Variants in TRDN observed in about 807,000 individuals in gnomAD.
TRDN encodes triadin.
TRDN carries 161 observed loss-of-function variants against 149.7 expected under a neutral mutation model. That is an observed-to-expected ratio of 1.08 (90% confidence interval 0.95 to 1.23). The LOEUF (loss-of-function observed/expected upper bound fraction) is 1.23. TRDN is among the 50% of genes most tolerant of loss of function. TRDN has a pLI of 0.00. For synonymous variants in TRDN, 294 were observed against 250.5 expected (o/e 1.17, Z -1.64); for missense variants, 896 against 823.5 (o/e 1.09, Z -1.08).
intron 7 of TRDN, among the ~76,000 whole-genome samples, chr6:123,504,564 G>A (rs1199458459): frequency 6.6e-6 from 1 of 151,978 alleles, no homozygotes; most frequent in Non-Finnish European, 1.5e-5. Context: ...TTAAGTCAGC[G>A]ATAATTCTAC....
chr6:123,337,471 A>G (rs1779914894), intron 22 of TRDN, 148 bp downstream of exon 22: 1 of 293,184 alleles, frequency 3.4e-6, no homozygotes, highest in Non-Finnish European at 6.3e-6. Flanking sequence ...AGAGACAAAC[A>G]AATAAACACA....
intron 12 of TRDN, among the ~76,000 whole-genome samples, chr6:123,434,411 C>G (rs1774468781): frequency 6.6e-6 from 1 of 152,166 alleles, no homozygotes; most frequent in Admixed American, 6.5e-5. Flanking sequence ...TGTTAGTAAT[C>G]TGCTGAGGCT....
At chr6:123,413,328 C>T (rs562118527) in intron 12 of TRDN, among the ~76,000 whole-genome samples, 8 of 152,282 alleles carry the variant, frequency 5.3e-5, no homozygotes, top group African/African-American at 1.9e-4. Context: ...AAAAACACTT[C>T]AATTTCAGAG....
chr6:123,317,586 A>T (rs529862624), intron 23 of TRDN, among the ~76,000 whole-genome samples: 1 of 152,092 alleles, frequency 6.6e-6, no homozygotes, highest in East Asian at 1.9e-4. Context: ...TCTTTGGCAC[A>T]TATTTCTCCC....
chr6:123,478,555 T>G (rs1777603582), intron 9 of TRDN, among the ~76,000 whole-genome samples: 1 of 152,182 alleles, frequency 6.6e-6, no homozygotes, highest in Admixed American at 6.5e-5. Flanking sequence ...AAGATATAGG[T>G]AAATAGGTAA....
intron 24 of TRDN, among the ~76,000 whole-genome samples, chr6:123,289,922 A>C (rs1263256972): frequency 6.6e-6 from 1 of 152,140 alleles, no homozygotes; most frequent in East Asian, 1.9e-4. Context: ...GGTGAGAGAC[A>C]GAAAAAAAGT....
At chr6:123,357,470 G>T (rs1467778407) in intron 20 of TRDN, among the ~76,000 whole-genome samples, 1 of 152,040 alleles carries the variant, frequency 6.6e-6, no homozygotes, top group Non-Finnish European at 1.5e-5. Flanking sequence ...GGAGATAAGG[G>T]ATAGTCTAAA....
chr6:123,550,635 T>C (rs1268617046), intron 2 of TRDN, among the ~76,000 whole-genome samples: 2 of 152,064 alleles, frequency 1.3e-5, no homozygotes, highest in Non-Finnish European at 2.9e-5. Context: ...ATAGGAAGAA[T>C]ATCCCATGGT....
rs549921987 is a variant in TRDN at position 123,389,780 on chromosome 6, T to C, written c.1106-1229A>G. Among the ~76,000 whole-genome samples the C allele has an allele frequency of 2.8e-3, 422 of 152,298 alleles. 3 individuals carry two copies. Among genetic ancestry groups the C allele is most frequent in the Non-Finnish European group, 4.7e-3 (320 of 68,018 alleles). ...TGGTTTTAACTAATAATACACAAAATGTATAGCAGATTTATATTTACAATG... is the reference window on the plus strand; with the variant it reads ...TGGTTTTAACTAATAATACACAAAACGTATAGCAGATTTATATTTACAATG... On this transcript the variant is annotated intron_variant, in intron 13 of 40. Coordinates refer to ENST00000334268, the MANE Select transcript of TRDN (RefSeq NM_006073.4).
chr6:123,503,037 C>T (rs905877383), intron 8 of TRDN: 1 of 985,102 alleles, frequency 1.0e-6, no homozygotes, highest in African/African-American at 1.7e-5. Context: ...GTTTATATGC[C>T]ACCTCCATTG....
chr6:123,288,411 G>T (rs1777875973), intron 24 of TRDN, among the ~76,000 whole-genome samples: 1 of 152,066 alleles, frequency 6.6e-6, no homozygotes, highest in African/African-American at 2.4e-5. Flanking sequence ...AAAAGCCTCT[G>T]CACAGCAAAC....
chr6:123,306,171 G>C (rs1480528327), intron 24 of TRDN, among the ~76,000 whole-genome samples: 2 of 152,080 alleles, frequency 1.3e-5, no homozygotes, highest in African/African-American at 4.8e-5. Context: ...GCTGATGTCT[G>C]CCCAGGGACA....
intron 40 of TRDN, among the ~76,000 whole-genome samples, chr6:123,219,746 T>C (rs751189827): frequency 1.3e-5 from 2 of 151,814 alleles, no homozygotes; most frequent in Non-Finnish European, 2.9e-5. Flanking sequence ...TCTCTTTTCT[T>C]CTATCTTCAA....
intron 1 of TRDN, among the ~76,000 whole-genome samples, chr6:123,581,219 A>G (rs1783104411): frequency 6.6e-6 from 1 of 152,220 alleles, no homozygotes; most frequent in Admixed American, 6.5e-5. Context: ...CACTGTTTAA[A>G]TCTAACTCCT....
intron 10 of TRDN, among the ~76,000 whole-genome samples, chr6:123,443,477 G>C (rs886916529): frequency 2.0e-5 from 3 of 152,042 alleles, no homozygotes; most frequent in Non-Finnish European, 2.9e-5. Flanking sequence ...TGAAATGACA[G>C]CAGGCTAGAT....
intron 35 of TRDN, among the ~76,000 whole-genome samples, chr6:123,257,906 G>A (rs1776621131): frequency 6.6e-6 from 1 of 152,070 alleles, no homozygotes; most frequent in South Asian, 2.1e-4. Flanking sequence ...ATTGTGAATG[G>A]GAGTTCACTC....
chr6:123,299,622 AT>A (rs1244592516), intron 24 of TRDN, among the ~76,000 whole-genome samples: 2 of 152,090 alleles, frequency 1.3e-5, no homozygotes, highest in Non-Finnish European at 2.9e-5. Flanking sequence ...TAATTTAATT[AT>A]TAAGTATCAA....
chr6:123,518,071 GGAT>G (rs924984875), intron 5 of TRDN, among the ~76,000 whole-genome samples: 57 of 152,134 alleles, frequency 3.7e-4, no homozygotes, highest in African/African-American at 1.3e-3. Context: ...TTCTATTTAT[GGAT>G]GATGATGTGG....
intron 1 of TRDN, among the ~76,000 whole-genome samples, chr6:123,577,533 T>C (rs1444009804): frequency 6.6e-6 from 1 of 152,180 alleles, no homozygotes; most frequent in East Asian, 1.9e-4. Context: ...ACATTTTCTT[T>C]ATTTAATCCG....
Sources: gnomAD v4.1 joint callset for allele counts (sites outside exome capture counted in the v4.1 genomes callset) on GRCh38, gnomAD v4.1.1 for gene constraint, MANE v1.5 for transcripts, NCBI Gene and HGNC (gene_info 2026-07-23, HGNC 2026-07-21) for gene names.